The following CTNNA2 variants were observed in gnomAD, a reference collection of about 807,000 sequenced individuals.
The protein encoded by CTNNA2 is catenin alpha 2, also known as catenin alpha-2.
Under a neutral mutation model 101.0 loss-of-function variants are expected in CTNNA2, and 42 were observed. That is an observed-to-expected ratio of 0.42 (90% CI 0.32 to 0.54). The LOEUF (loss-of-function observed/expected upper bound fraction) is 0.54. CTNNA2 is among the 20% of genes least tolerant of loss of function. CTNNA2 has a pLI of 0.14. For missense variants in CTNNA2, 871 were observed against 1,223.1 expected, an observed-to-expected ratio of 0.71 and a Z score of 4.29; for synonymous variants, 450 against 456.4, an observed-to-expected ratio of 0.99 and a Z score of 0.18.
chr2:80,617,142 T>C (rs141946451), intron 17 of CTNNA2, among the ~76,000 whole-genome samples: 19 of 151,910 alleles, frequency 1.3e-4, no homozygotes, highest in African/African-American at 4.6e-4. Context: ...AATTGCATCA[T>C]TAATCTTAAT....
chr2:79,949,156 T>C (rs13420979), intron 7 of CTNNA2, among the ~76,000 whole-genome samples: 3,292 of 152,208 alleles, frequency 0.022, 131 homozygotes, highest in African/African-American at 0.075. Context: ...GTATACACAA[T>C]TTAATTATCT....
chr2:80,133,721 A>G (rs1180500846), intron 7 of CTNNA2, among the ~76,000 whole-genome samples: 2 of 152,218 alleles, frequency 1.3e-5, no homozygotes, highest in East Asian at 3.8e-4. Flanking sequence ...GATAACCTTG[A>G]CAGGTGTTCT....
At chr2:80,605,961 T>C (rs1225380068) in intron 16 of CTNNA2, among the ~76,000 whole-genome samples, 1 of 151,838 alleles carries the variant, frequency 6.6e-6, no homozygotes, top group East Asian at 1.9e-4. Flanking sequence ...CTGAGGGTTT[T>C]TTTTGACAGA....
At chr2:79,852,342 A>G (rs10520254) in intron 3 of CTNNA2, among the ~76,000 whole-genome samples, 4,783 of 152,252 alleles carry the variant, frequency 0.031, 237 homozygotes, top group African/African-American at 0.11. Flanking sequence ...TATAGCAAAA[A>G]TGTTGACAAT....
chr2:80,077,527 C>G (rs1309219848), intron 7 of CTNNA2, among the ~76,000 whole-genome samples: 2 of 151,404 alleles, frequency 1.3e-5, no homozygotes, highest in Non-Finnish European at 2.9e-5. Flanking sequence ...GGCAGGAAGA[C>G]TGCTTGAGCC....
At chr2:80,368,586 C>A (rs1345851804) in intron 7 of CTNNA2, among the ~76,000 whole-genome samples, 1 of 151,716 alleles carries the variant, frequency 6.6e-6, no homozygotes, top group Non-Finnish European at 1.5e-5. Context: ...TGAAAAGTAT[C>A]CAATTAGCCT....
intron 2 of CTNNA2, among the ~76,000 whole-genome samples, chr2:79,685,513 A>ACC (rs1045912145): frequency 6.6e-6 from 1 of 151,940 alleles, no homozygotes; most frequent in South Asian, 2.1e-4. Flanking sequence ...TCAACATGCG[A>ACC]CCCCCAAGGT....
intron 2 of CTNNA2, among the ~76,000 whole-genome samples, chr2:79,275,373 T>A (rs921899146): frequency 6.6e-6 from 1 of 151,820 alleles, no homozygotes; most frequent in Non-Finnish European, 1.5e-5. Flanking sequence ...CATAAAAAAA[T>A]ACAGATTAAT....
intron 2 of CTNNA2, among the ~76,000 whole-genome samples, chr2:79,200,686 G>T (rs528499025): frequency 6.6e-6 from 1 of 152,166 alleles, no homozygotes; most frequent in African/African-American, 2.4e-5. Flanking sequence ...AAAAACTCTT[G>T]TTCAAAAAGG....
intron 7 of CTNNA2, among the ~76,000 whole-genome samples, chr2:80,116,775 T>C (rs1701547327): frequency 6.6e-6 from 1 of 152,138 alleles, no homozygotes; most frequent in Admixed American, 6.6e-5. Context: ...GTGAGTTTGA[T>C]CAGCCCATCA....
chr2:80,426,679 A>T (rs1369256925), intron 9 of CTNNA2, among the ~76,000 whole-genome samples: 2 of 152,108 alleles, frequency 1.3e-5, no homozygotes, highest in Non-Finnish European at 1.5e-5. Context: ...AAAGAAGCTT[A>T]CGTGGCTTTC....
chr2:79,514,791 G>A (rs2103840120), intron 1 of CTNNA2: 1 of 152,268 alleles, frequency 6.6e-6, no homozygotes, highest in South Asian at 2.1e-4. Flanking sequence ...CTTTAGAATA[G>A]CTGTGTTTTG....
chr2:79,740,859 C>T (rs930600883), intron 2 of CTNNA2, among the ~76,000 whole-genome samples: 1 of 151,662 alleles, frequency 6.6e-6, no homozygotes, highest in Non-Finnish European at 1.5e-5. Context: ...GGTAACTTCT[C>T]TAAGCTGGGT....
chr2:80,034,456 C>T (rs1267456550), intron 7 of CTNNA2, among the ~76,000 whole-genome samples: 5 of 149,884 alleles, frequency 3.3e-5, no homozygotes, highest in African/African-American at 9.8e-5. Context: ...CAGGTTCAAG[C>T]GATTCTCCTG....
intron 9 of CTNNA2, among the ~76,000 whole-genome samples, chr2:80,537,274 C>T (rs1355074108): frequency 6.6e-6 from 1 of 152,126 alleles, no homozygotes; most frequent in Non-Finnish European, 1.5e-5. Context: ...TTTATGGCTG[C>T]ATAGTATTCT....
At chr2:79,959,476 T>C (rs1004783761) in intron 7 of CTNNA2, among the ~76,000 whole-genome samples, 1 of 152,196 alleles carries the variant, frequency 6.6e-6, no homozygotes. Flanking sequence ...CTTTTACATC[T>C]CCTTTTTCAA....
At chr2:80,542,835 A>C (rs1308254765) in intron 9 of CTNNA2, among the ~76,000 whole-genome samples, 2 of 151,702 alleles carry the variant, frequency 1.3e-5, no homozygotes, top group African/African-American at 4.9e-5. Flanking sequence ...AGAACTTTAA[A>C]TACATATATC....
At chr2:79,222,356 G>A (rs1012615693) in intron 2 of CTNNA2, among the ~76,000 whole-genome samples, 1 of 152,188 alleles carries the variant, frequency 6.6e-6, no homozygotes, top group Non-Finnish European at 1.5e-5. Context: ...TTCTTCTGTA[G>A]GAATCCTTCT....
chr2:80,572,610 C>T (rs765948883), intron 12 of CTNNA2: 1 of 152,150 alleles, frequency 6.6e-6, no homozygotes, highest in Non-Finnish European at 1.5e-5. Context: ...AAAATAATTT[C>T]ATGCTCACTA....
Sources: allele counts gnomAD v4.1 joint callset (sites outside exome capture counted in the v4.1 genomes callset), GRCh38; gene constraint gnomAD v4.1.1; transcripts MANE v1.5; gene names NCBI Gene and HGNC (gene_info 2026-07-23, HGNC 2026-07-21).